The following LRP1B variants were observed in gnomAD, a reference collection of about 807,000 sequenced individuals.
LRP1B encodes low-density lipoprotein receptor-related protein 1B.
A neutral mutation model predicts 556.6 loss-of-function variants in LRP1B; 217 were observed. That is an observed-to-expected ratio of 0.39 (90% CI 0.35 to 0.44). The LOEUF (loss-of-function observed/expected upper bound fraction) is 0.44, where lower values mean the gene tolerates loss of function less well. Among genes scored for constraint, LRP1B ranks in the 20% least tolerant of loss-of-function variants. The pLI, the probability that LRP1B is intolerant of heterozygous loss-of-function variation, is 1.00. For missense variants in LRP1B, 5,053 were observed against 5,620.8 expected (o/e 0.90, Z 3.23); for synonymous variants, 2,047 against 1,865.8 (o/e 1.10, Z -2.50).
intron 77 of LRP1B, among the ~76,000 whole-genome samples, chr2:140,342,730 A>T (rs1681457960): frequency 6.6e-6 from 1 of 151,636 alleles, no homozygotes; most frequent in Non-Finnish European, 1.5e-5. Context: ...TCACCAGAGA[A>T]ATGAAAGACT....
intron 43 of LRP1B, among the ~76,000 whole-genome samples, chr2:140,588,153 A>G (rs1408012486): frequency 6.6e-6 from 1 of 152,110 alleles, no homozygotes; most frequent in East Asian, 1.9e-4. Flanking sequence ...AAGAAAGAAC[A>G]CTGTGAGCAA....
chr2:141,585,585 T>C (rs1210140379), intron 2 of LRP1B, among the ~76,000 whole-genome samples: 1 of 152,062 alleles, frequency 6.6e-6, no homozygotes, highest in Admixed American at 6.6e-5. Context: ...CGAGTTTACC[T>C]TCTAAATATG....
chr2:140,730,458 T>C (rs373873696), intron 35 of LRP1B, among the ~76,000 whole-genome samples: 5 of 152,350 alleles, frequency 3.3e-5, no homozygotes, highest in Middle Eastern at 3.4e-3. Flanking sequence ...TGTACACATA[T>C]ATAAGACATG....
intron 7 of LRP1B, among the ~76,000 whole-genome samples, chr2:141,184,476 T>C (rs745535005): frequency 1.3e-5 from 2 of 151,954 alleles, no homozygotes. Context: ...CTCTGAAAAC[T>C]TGGGGACACA....
chr2:141,929,970 G>A lies in LRP1B; in HGVS notation c.83-119569C>T, dbSNP rs137948095. Reference sequence around the variant, plus strand: ...TAATGCAGCACAAGAATCCCAGATAGGGATGACTTTCAAAATGTCATGAGG... The same window carrying A: ...TAATGCAGCACAAGAATCCCAGATAAGGATGACTTTCAAAATGTCATGAGG... On this transcript the variant is annotated intron_variant, in intron 1 of 90. Coordinates refer to ENST00000389484, the MANE Select transcript of LRP1B (RefSeq NM_018557.3). Among the ~76,000 whole-genome samples the A allele has an allele frequency of 2.4e-3, 342 of 145,310 alleles. 1 individual carries two copies. Among genetic ancestry groups the A allele is most frequent in the African/African-American group, 8.1e-3 (318 of 39,472 alleles).
At chr2:142,119,379 C>A (rs1707376901) in intron 1 of LRP1B, among the ~76,000 whole-genome samples, 1 of 152,034 alleles carries the variant, frequency 6.6e-6, no homozygotes, top group Non-Finnish European at 1.5e-5. Context: ...TCCAAGCTGC[C>A]TTTTTGGCAC....
At chr2:141,831,091 T>C (rs535588139) in intron 1 of LRP1B, among the ~76,000 whole-genome samples, 34 of 151,894 alleles carry the variant, frequency 2.2e-4, no homozygotes, top group African/African-American at 8.2e-4. Flanking sequence ...CATTACTTAA[T>C]AGCCTTATCT....
chr2:140,639,743 T>G (rs565083631), intron 41 of LRP1B, among the ~76,000 whole-genome samples: 1 of 152,222 alleles, frequency 6.6e-6, no homozygotes, highest in Non-Finnish European at 1.5e-5. Flanking sequence ...CTTCCAAATG[T>G]TATCTAGAAT....
At chr2:141,018,344 C>G (rs1219851377) in intron 12 of LRP1B, among the ~76,000 whole-genome samples, 1 of 151,894 alleles carries the variant, frequency 6.6e-6, no homozygotes, top group Non-Finnish European at 1.5e-5. Flanking sequence ...GCACTTATTC[C>G]TTGTATATAG....
At chr2:141,557,573 G>A (rs1310031091) in intron 2 of LRP1B, among the ~76,000 whole-genome samples, 1 of 151,910 alleles carries the variant, frequency 6.6e-6, no homozygotes, top group Non-Finnish European at 1.5e-5. Context: ...CTGAAAAGAA[G>A]ATCCATGTCC....
At chr2:141,098,601 T>C (rs772703105) in intron 7 of LRP1B, among the ~76,000 whole-genome samples, 63 of 152,180 alleles carry the variant, frequency 4.1e-4, no homozygotes, top group Non-Finnish European at 7.6e-4. Context: ...CAGTGGTCTA[T>C]GATGATTAAA....
intron 47 of LRP1B, among the ~76,000 whole-genome samples, chr2:140,530,166 A>C (rs1690626096): frequency 6.6e-6 from 1 of 152,138 alleles, no homozygotes. Flanking sequence ...ACTACAGTCT[A>C]TCAAAATCTC....
At chr2:140,590,303 A>G (rs1682165371) in intron 43 of LRP1B, among the ~76,000 whole-genome samples, 1 of 145,722 alleles carries the variant, frequency 6.9e-6, no homozygotes, top group Non-Finnish European at 1.5e-5. Context: ...TATATAATAT[A>G]TATTTATATG....
chr2:141,726,884 G>A lies in LRP1B; in HGVS notation c.205+83395C>T, dbSNP rs543260198. Among the ~76,000 whole-genome samples the A allele has an allele frequency of 2.0e-5, 3 of 152,190 alleles. No individual in the cohort carries two copies. The East Asian group carries it at 5.8e-4, about 29-fold the overall frequency. ...TTGAAGATGAAGAGTAATAATCCTT[G>A]AAAGGATTTTGAAGGATGAGCAGGT... On this transcript the variant is annotated intron_variant, in intron 2 of 90. Coordinates refer to ENST00000389484, the MANE Select transcript of LRP1B (RefSeq NM_018557.3).
chr2:141,665,876 C>T (rs1276404276), intron 2 of LRP1B, among the ~76,000 whole-genome samples: 2 of 152,040 alleles, frequency 1.3e-5, no homozygotes, highest in African/African-American at 4.8e-5. Context: ...GACTAGCCAG[C>T]ATGTTCTCAC....
At chr2:141,507,139 C>A (rs1270632863) in intron 2 of LRP1B, among the ~76,000 whole-genome samples, 3 of 152,066 alleles carry the variant, frequency 2.0e-5, no homozygotes, top group South Asian at 4.1e-4. Flanking sequence ...TTTATTCATG[C>A]AGAAATTTTG....
intron 2 of LRP1B, among the ~76,000 whole-genome samples, chr2:141,639,554 A>G (rs1689254568): frequency 6.6e-6 from 1 of 150,998 alleles, no homozygotes; most frequent in South Asian, 2.1e-4. Flanking sequence ...AGGAGCTGGA[A>G]GTTAATATCA....
intron 7 of LRP1B, among the ~76,000 whole-genome samples, chr2:141,103,322 T>C (rs1271763730): frequency 1.3e-5 from 2 of 152,062 alleles, no homozygotes; most frequent in Non-Finnish European, 1.5e-5. Context: ...ATAAACATAA[T>C]TGGTTGTCAA....
intron 2 of LRP1B, among the ~76,000 whole-genome samples, chr2:141,775,938 G>A (rs1461463949): frequency 6.6e-6 from 1 of 151,252 alleles, no homozygotes; most frequent in Non-Finnish European, 1.5e-5. Flanking sequence ...CGCCTCCTGG[G>A]TTCACACCAT....
Sources: gnomAD v4.1 joint callset for allele counts (sites outside exome capture counted in the v4.1 genomes callset) on GRCh38, gnomAD v4.1.1 for gene constraint, MANE v1.5 for transcripts, NCBI Gene and HGNC (gene_info 2026-07-23, HGNC 2026-07-21) for gene names.